ZFPM2: variants seen among roughly 807,000 people sequenced by gnomAD.
The protein encoded by ZFPM2 is zinc finger protein, FOG family member 2.
In ZFPM2, 20 loss-of-function variants were observed where a neutral mutation model predicts 98.6. The ratio of observed to expected loss-of-function variants is 0.20; its 90% CI spans 0.14 to 0.29. The LOEUF is 0.29. Among genes scored for constraint, ZFPM2 ranks in the 10% least tolerant of loss-of-function variants. The pLI, the probability that ZFPM2 is intolerant of heterozygous loss-of-function variation, is 1.00. For synonymous variants in ZFPM2, 518 were observed against 502.7 expected, an observed-to-expected ratio of 1.03 and a Z score of -0.41; for missense variants, 1,310 against 1,388.6, an observed-to-expected ratio of 0.94 and a Z score of 0.90.
intron 5 of ZFPM2, among the ~76,000 whole-genome samples, chr8:105,671,474 T>A (rs1185678626): frequency 6.6e-6 from 1 of 151,980 alleles, no homozygotes; most frequent in East Asian, 1.9e-4. Flanking sequence ...ATTTTTCATC[T>A]GTACATTATC....
chr8:105,529,782 G>T (rs1278560479), intron 3 of ZFPM2, among the ~76,000 whole-genome samples: 1 of 151,812 alleles, frequency 6.6e-6, no homozygotes, highest in Non-Finnish European at 1.5e-5. Context: ...CTGGGCTGGA[G>T]TGCAGTAATG....
At chr8:105,518,561 A>C (rs556139044) in intron 3 of ZFPM2, among the ~76,000 whole-genome samples, 3 of 152,344 alleles carry the variant, frequency 2.0e-5, no homozygotes, top group African/African-American at 7.2e-5. Flanking sequence ...GAAATCATGC[A>C]GATTCCTTTG....
intron 4 of ZFPM2, among the ~76,000 whole-genome samples, chr8:105,573,922 A>G (rs1181222400): frequency 4.6e-5 from 7 of 152,334 alleles, no homozygotes; most frequent in Middle Eastern, 3.4e-3. Flanking sequence ...CCTCTTTTAT[A>G]AAATAGGGGT....
Position 105,441,458 on chromosome 8 carries a change from GAA to G in ZFPM2, c.200-2820_200-2819del, listed in dbSNP as rs1491512191. Among the ~76,000 whole-genome samples, 3 of 56,358 alleles carry G rather than the reference GAA, an allele frequency of 5.3e-5. No homozygotes were observed. The Admixed American group carries it at 6.8e-4, about 13-fold the overall frequency. 37.0% of individuals were successfully genotyped at this position (56,358 alleles called of 152,430 possible). ...AAAGAGAGAGAGAGAGAGAGAGAAA[GAA>G]AGAAAGAAAGAAAGAAAGAAAGAAA... On this transcript the variant is annotated intron_variant, in intron 2 of 7. Coordinates refer to ENST00000407775, the MANE Select transcript of ZFPM2 (RefSeq NM_012082.4).
chr8:105,520,091 AC>A (rs567277348), intron 3 of ZFPM2, among the ~76,000 whole-genome samples: 145 of 152,268 alleles, frequency 9.5e-4, no homozygotes, highest in African/African-American at 3.3e-3. Flanking sequence ...ACCAAAGGGA[AC>A]AAAAATAAAG....
chr8:105,398,436 A>C lies in ZFPM2; in HGVS notation c.41-20708A>C, dbSNP rs550115895. 1.1e-4 allele frequency among the ~76,000 whole-genome samples: 16 copies of C among 152,236 alleles called. No homozygotes were observed. In the East Asian group the frequency reaches 3.1e-3, roughly 29 times the overall value. ...ACATTGTGATGGATTTTGCTAAACGATGATTTTTGTCTTCTCCAATTATTT... is the reference window on the plus strand; with the variant it reads ...ACATTGTGATGGATTTTGCTAAACGCTGATTTTTGTCTTCTCCAATTATTT... On this transcript the variant is annotated intron_variant, in intron 1 of 7. Coordinates refer to ENST00000407775, the MANE Select transcript of ZFPM2 (RefSeq NM_012082.4).
intron 3 of ZFPM2, among the ~76,000 whole-genome samples, chr8:105,516,005 C>T (rs1056592643): frequency 2.1e-4 from 31 of 144,222 alleles, no homozygotes; most frequent in African/African-American, 5.7e-4. Flanking sequence ...GCAACTTCTG[C>T]CTTCCGGGTC....
chr8:105,396,169 T>C (rs1811214671), intron 1 of ZFPM2, among the ~76,000 whole-genome samples: 2 of 152,154 alleles, frequency 1.3e-5, no homozygotes, highest in African/African-American at 4.8e-5. Flanking sequence ...TTGTCCATGA[T>C]AGGAAACAAA....
At chr8:105,471,150 G>A (rs188991779) in intron 3 of ZFPM2, among the ~76,000 whole-genome samples, 3 of 152,240 alleles carry the variant, frequency 2.0e-5, no homozygotes, top group African/African-American at 7.2e-5. Flanking sequence ...ATGTTCTCTT[G>A]TTTGGCTGTT....
chr8:105,325,410 T>C (rs1812096485), intron 1 of ZFPM2, among the ~76,000 whole-genome samples: 1 of 151,828 alleles, frequency 6.6e-6, no homozygotes, highest in Non-Finnish European at 1.5e-5. Context: ...CAGGTAACAA[T>C]TGACTTTTCA....
chr8:105,387,511 C>G (rs950002771), intron 1 of ZFPM2: 1 of 153,694 alleles, frequency 6.5e-6, no homozygotes, highest in African/African-American at 2.4e-5. Flanking sequence ...AAGTCCGGCA[C>G]AGCAGCTGCT....
At chr8:105,401,102 C>A (rs1222124365) in intron 1 of ZFPM2, among the ~76,000 whole-genome samples, 1 of 151,630 alleles carries the variant, frequency 6.6e-6, no homozygotes, top group Non-Finnish European at 1.5e-5. Context: ...ATAAAACAGG[C>A]TCTTTATTTT....
intron 4 of ZFPM2, among the ~76,000 whole-genome samples, chr8:105,577,774 CCA>C (rs1491481892): frequency 1.5e-5 from 2 of 134,656 alleles, no homozygotes; most frequent in African/African-American, 2.8e-5. Flanking sequence ...GGTGAGGAAA[CCA>C]AAAAAAAAAA....
chr8:105,483,589 CA>C (rs528417557), intron 3 of ZFPM2, among the ~76,000 whole-genome samples: 4,594 of 108,826 alleles, frequency 0.042, 203 homozygotes, highest in African/African-American at 0.13. Flanking sequence ...GAGTCCATCT[CA>C]AAAAAAAAAA....
chr8:105,730,753 G>A (rs954482005), intron 5 of ZFPM2, among the ~76,000 whole-genome samples: 2 of 148,444 alleles, frequency 1.3e-5, no homozygotes, highest in African/African-American at 5.0e-5. Context: ...AAGTCAAAGC[G>A]ACACCTGAAC....
intron 1 of ZFPM2, among the ~76,000 whole-genome samples, chr8:105,380,311 T>C (rs1217447084): frequency 1.3e-5 from 2 of 151,802 alleles, no homozygotes; most frequent in Admixed American, 6.6e-5. Flanking sequence ...TTTGTGACTC[T>C]ATTTTACTCT....
chr8:105,732,847 T>G (rs1227387196), intron 5 of ZFPM2, among the ~76,000 whole-genome samples: 1 of 151,854 alleles, frequency 6.6e-6, no homozygotes, highest in Non-Finnish European at 1.5e-5. Flanking sequence ...AGAGGGAAAT[T>G]AACTTTCAGC....
rs114557583 is a variant in ZFPM2, at chr8:105,527,346, C to T, written c.302-34017C>T. ...AGAAAAGGGGATGTTACCCTTTAGT[C>T]TAGCACAAAAGTATAAATTTGAAAA... On this transcript the variant is annotated intron_variant, in intron 3 of 7. Coordinates refer to ENST00000407775, the MANE Select transcript of ZFPM2 (RefSeq NM_012082.4). Among the ~76,000 whole-genome samples, 528 of 152,276 alleles carry T rather than the reference C, an allele frequency of 3.5e-3. 3 individuals carry two copies. Among genetic ancestry groups the T allele is most frequent in the African/African-American group, 0.012 (497 of 41,552 alleles).
intron 5 of ZFPM2, among the ~76,000 whole-genome samples, chr8:105,706,132 C>T (rs1811254235): frequency 6.6e-6 from 1 of 151,870 alleles, no homozygotes; most frequent in Non-Finnish European, 1.5e-5. Context: ...TGAGTAGAAC[C>T]ACCCAGATAG....
Sources: allele counts gnomAD v4.1 joint callset (sites outside exome capture counted in the v4.1 genomes callset), GRCh38; gene constraint gnomAD v4.1.1; transcripts MANE v1.5; gene names NCBI Gene and HGNC (gene_info 2026-07-23, HGNC 2026-07-21).